Variants in MARCHF1 observed in about 807,000 individuals in gnomAD.
MARCHF1 encodes membrane associated ring-CH-type finger 1, also known as E3 ubiquitin-protein ligase MARCHF1.
In MARCHF1, 40 loss-of-function variants were observed where a neutral mutation model predicts 54.2. The ratio of observed to expected loss-of-function variants is 0.74; its 90% CI spans 0.57 to 0.96. MARCHF1 has a LOEUF of 0.96. MARCHF1 is among the 40% of genes least tolerant of loss of function. MARCHF1 has a pLI of 0.00. For missense variants in MARCHF1, 586 were observed against 656.5 expected, an observed-to-expected ratio of 0.89 and a Z score of 1.17; for synonymous variants, 236 against 236.3, an observed-to-expected ratio of 1.00 and a Z score of 0.01.
intron 9 of MARCHF1, among the ~76,000 whole-genome samples, chr4:163,536,314 A>C (rs1326086148): frequency 2.0e-5 from 3 of 152,140 alleles, no homozygotes; most frequent in African/African-American, 7.2e-5. Flanking sequence ...GCTGTTCCTT[A>C]TACATGCCTG....
chr4:163,582,852 T>C (rs1291525710), intron 8 of MARCHF1, among the ~76,000 whole-genome samples: 1 of 152,210 alleles, frequency 6.6e-6, no homozygotes, highest in Admixed American at 6.5e-5. Context: ...CTGTATAGTT[T>C]GTGTCACCTC....
At chr4:163,844,398 C>A (rs546614756) in intron 4 of MARCHF1, among the ~76,000 whole-genome samples, 1 of 152,210 alleles carries the variant, frequency 6.6e-6, no homozygotes, top group East Asian at 1.9e-4. Context: ...TTGATAGTTT[C>A]TTTTGCTGTG....
At chr4:164,230,818 T>C (rs968832727) in intron 1 of MARCHF1, among the ~76,000 whole-genome samples, 9 of 152,062 alleles carry the variant, frequency 5.9e-5, no homozygotes, top group Admixed American at 4.6e-4. Context: ...ATGTTACTAT[T>C]ATTATTATTA....
chr4:163,951,516 A>G (rs72687927), intron 3 of MARCHF1, among the ~76,000 whole-genome samples: 18,174 of 152,232 alleles, frequency 0.12, 1,146 homozygotes, highest in African/African-American at 0.14. Flanking sequence ...AATGAGAGAA[A>G]AGGTCTGAAT....
chr4:164,031,656 C>T (rs1451038251), intron 2 of MARCHF1, among the ~76,000 whole-genome samples: 1 of 152,070 alleles, frequency 6.6e-6, no homozygotes, highest in Non-Finnish European at 1.5e-5. Context: ...TATGTTGAAC[C>T]AGCCTTGCAT....
At chr4:163,683,146 A>T (rs989836828) in intron 5 of MARCHF1, among the ~76,000 whole-genome samples, 1 of 152,202 alleles carries the variant, frequency 6.6e-6, no homozygotes, top group Non-Finnish European at 1.5e-5. Flanking sequence ...CTGTTTTCAC[A>T]CTGCTGATAA....
chr4:163,592,815 C>T (rs1048972404), intron 7 of MARCHF1, among the ~76,000 whole-genome samples: 10 of 151,918 alleles, frequency 6.6e-5, no homozygotes, highest in African/African-American at 7.3e-5. Context: ...CATAGTGGGC[C>T]GGAGCCTCTT....
In MARCHF1 at chr4:163,528,665, A is replaced by ATAAT. The variant is rs747487748; in HGVS notation, c.*79_*82dup. On this transcript the variant is annotated 3_prime_UTR_variant, in exon 10 of 10. Transcript: ENST00000514618. ...AGAAAGGAGGAGCTGAAGGGAGTAA[A>ATAAT]TAATTCAAGATCACTTCTGTCATTT... 2.2e-6 allele frequency: 3 copies of ATAAT among 1,382,486 alleles called. No homozygotes were observed. The African/African-American group carries it at 4.4e-5, about 20-fold the overall frequency. 85.6% of individuals were successfully genotyped at this position (1,382,486 alleles called of 1,614,324 possible).
At chr4:163,918,549 G>C (rs1025873473) in intron 3 of MARCHF1, among the ~76,000 whole-genome samples, 2 of 152,068 alleles carry the variant, frequency 1.3e-5, no homozygotes, top group South Asian at 2.1e-4. Context: ...TCCAGCAGTA[G>C]AGATTAAGTG....
chr4:163,828,842 T>C (rs750367355), intron 4 of MARCHF1: 2 of 152,174 alleles, frequency 1.3e-5, no homozygotes, highest in Non-Finnish European at 2.9e-5. Context: ...TGAAGGTAAA[T>C]TGATTAGAAA....
intron 4 of MARCHF1, among the ~76,000 whole-genome samples, chr4:163,749,899 T>TAAA (rs3085804): frequency 6.0e-5 from 9 of 148,970 alleles, no homozygotes; most frequent in African/African-American, 9.9e-5. Flanking sequence ...CTATCTTTGT[T>TAAA]AAAAAAAAAA....
At chr4:164,351,430 GCCT>G (rs1334922638) in intron 1 of MARCHF1, among the ~76,000 whole-genome samples, 2 of 150,654 alleles carry the variant, frequency 1.3e-5, no homozygotes, top group Non-Finnish European at 3.0e-5. Flanking sequence ...TGGGCAGACT[GCCT>G]CCTCAAGTGG....
intron 7 of MARCHF1, 55 bp downstream of exon 7, chr4:163,612,216 A>T: frequency 7.2e-7 from 1 of 1,394,764 alleles, no homozygotes; most frequent in Non-Finnish European, 9.3e-7. Context: ...CACCTAACTC[A>T]CTGCAAAAAG....
At chr4:164,098,927 T>C (rs1354802979) in intron 2 of MARCHF1, among the ~76,000 whole-genome samples, 3 of 152,226 alleles carry the variant, frequency 2.0e-5, no homozygotes, top group African/African-American at 7.2e-5. Flanking sequence ...TTTTCTCCCG[T>C]TGGCTCTAAA....
chr4:164,112,168 A>G (rs1755845702), intron 1 of MARCHF1, among the ~76,000 whole-genome samples: 1 of 151,878 alleles, frequency 6.6e-6, no homozygotes, highest in Non-Finnish European at 1.5e-5. Context: ...AGGATAAGCA[A>G]CAGCTTCACT....
intron 4 of MARCHF1, among the ~76,000 whole-genome samples, chr4:163,786,922 A>T (rs1196907167): frequency 6.6e-6 from 1 of 151,992 alleles, no homozygotes; most frequent in African/African-American, 2.4e-5. Flanking sequence ...GAAAGTTCAT[A>T]AGTAAACCCT....
chr4:163,542,058 A>G (rs748398353), intron 9 of MARCHF1, among the ~76,000 whole-genome samples: 1 of 152,250 alleles, frequency 6.6e-6, no homozygotes, highest in Non-Finnish European at 1.5e-5. Flanking sequence ...TTCTTGATAC[A>G]TATCTTGCTT....
intron 4 of MARCHF1, among the ~76,000 whole-genome samples, chr4:163,710,634 TA>T (rs527677278): frequency 2.1e-4 from 32 of 152,248 alleles, no homozygotes; most frequent in African/African-American, 6.0e-4. Context: ...ACTTTTTTTT[TA>T]AGTTTACACA....
chr4:163,816,960 T>C (rs1210287360), intron 4 of MARCHF1, among the ~76,000 whole-genome samples: 1 of 152,128 alleles, frequency 6.6e-6, no homozygotes, highest in Non-Finnish European at 1.5e-5. Context: ...AGGTTCAACC[T>C]AATTTGCTTG....
Sources: allele counts gnomAD v4.1 joint callset (sites outside exome capture counted in the v4.1 genomes callset), GRCh38; gene constraint gnomAD v4.1.1; transcripts MANE v1.5; gene names NCBI Gene and HGNC (gene_info 2026-07-23, HGNC 2026-07-21).